The following DNAH12 variants were observed in gnomAD, a reference collection of about 807,000 sequenced individuals.
The protein encoded by DNAH12 is axonemal beta dynein heavy chain 12.
A neutral mutation model predicts 371.5 loss-of-function variants in DNAH12; 285 were observed. The observed-to-expected ratio is 0.77, with a 90% CI of 0.70 to 0.85. The LOEUF is 0.85. Among genes scored for constraint, DNAH12 ranks in the 40% least tolerant of loss-of-function variants. The probability of loss-of-function intolerance (pLI) is 0.00; values close to 1 mark genes in which losing one functional copy is unlikely to be tolerated. For missense variants in DNAH12, 3,611 were observed against 3,689.4 expected, an observed-to-expected ratio of 0.98 and a Z score of 0.55; for synonymous variants, 1,200 against 1,213.0, an observed-to-expected ratio of 0.99 and a Z score of 0.22.
intron 57 of DNAH12, among the ~76,000 whole-genome samples, chr3:57,364,688 G>A (rs1465008129): frequency 1.3e-5 from 2 of 152,138 alleles, no homozygotes; most frequent in African/African-American, 4.8e-5. Context: ...ACAACCTACA[G>A]AATGGGAGAA....
chr3:57,444,014 C>T (rs961802845), intron 29 of DNAH12, among the ~76,000 whole-genome samples: 34 of 151,942 alleles, frequency 2.2e-4, no homozygotes, highest in African/African-American at 8.0e-4. Context: ...GACCAGCCTG[C>T]CCAACATGGA....
In DNAH12 at chr3:57,389,439, G is replaced by T. The variant is rs986411557; in HGVS notation, c.7306-2220C>A. Among the ~76,000 whole-genome samples, 1,385 of 152,032 alleles carry T rather than the reference G, an allele frequency of 9.1e-3. 18 individuals are homozygous for T. The highest frequency in any genetic ancestry group is 0.031 in the African/African-American group (1,272 of 41,476). On this transcript the variant is annotated intron_variant, in intron 45 of 73. Transcript: ENST00000495027. The stretch of plus-strand genomic sequence containing the variant: ...ATACCCAGAAGTAGGGTATTTCCAG[G>T]GTTGCTTCATTTAGAAGCTCAACTA...
At chr3:57,464,307 C>T (rs2066137485) in intron 17 of DNAH12, among the ~76,000 whole-genome samples, 1 of 152,032 alleles carries the variant, frequency 6.6e-6, no homozygotes, top group South Asian at 2.1e-4. Flanking sequence ...TATTCTGCAG[C>T]ACCACACTGT....
At position 57,334,848 on chromosome 3, in the gene DNAH12, C is replaced by T. The variant is rs1226883026; in HGVS notation, c.9767G>A (p.Trp3256Ter). The T allele has an allele frequency of 6.4e-7, 1 of 1,551,834 alleles. No individual in the cohort carries two copies. The highest frequency in any genetic ancestry group is 8.7e-7 in the Non-Finnish European group (1 of 1,147,060). ...TTCCTCCCAGCTTTTGTCCTGTAGC[C>T]AAGTTGGATCAGGATTTTTCTCAGC... ...KSAEKNPDPT[W>*]LQDKSWEEIC... The change falls in exon 61 of 74, where the codon TGG (tryptophan) becomes TAG (stop). Residue 3256 changes from tryptophan to a stop codon, truncating the protein, a stop_gained. Coordinates refer to ENST00000495027, the MANE Select transcript of DNAH12 (RefSeq NM_001366028.2). LOFTEE classifies it high-confidence loss of function.
At chr3:57,458,363 A>G (rs1291450898) in intron 20 of DNAH12, 143 bp from the exon 21 acceptor site, 1 of 1,134,456 alleles carries the variant, frequency 8.8e-7, no homozygotes, top group Non-Finnish European at 1.2e-6. Flanking sequence ...ATTTGCAATG[A>G]AATTTTTTGT....
intron 29 of DNAH12, among the ~76,000 whole-genome samples, chr3:57,438,918 C>CAAAAAAA (rs57608649): frequency 1.4e-4 from 13 of 94,498 alleles, no homozygotes; most frequent in African/African-American, 4.8e-4. Context: ...CTGTCTCAGA[C>CAAAAAAA]AAAAAAAAAA....
chr3:57,329,772 G>A (rs2153303024), intron 62 of DNAH12, among the ~76,000 whole-genome samples: 1 of 151,922 alleles, frequency 6.6e-6, no homozygotes, highest in Non-Finnish European at 1.5e-5. Context: ...AGAGTGAACA[G>A]GCAACCCACA....
chr3:57,486,945 A>G (rs1308275731), intron 12 of DNAH12, among the ~76,000 whole-genome samples: 1 of 152,114 alleles, frequency 6.6e-6, no homozygotes, highest in Admixed American at 6.6e-5. Flanking sequence ...GGGAGGTAAT[A>G]TTCAAGGTGA....
Position 57,458,229 on chromosome 3 carries a change from G to A in DNAH12, c.2932-9C>T. On this transcript the variant is annotated splice_polypyrimidine_tract_variant and intron_variant, in intron 20 of 73. Transcript: ENST00000495027. Reference sequence around the variant, plus strand: ...GAAGTGGCAGCAAGAACCTAAACGAGACACATGCATTCAAGTCAGCACTTT... The same window carrying A: ...GAAGTGGCAGCAAGAACCTAAACGAAACACATGCATTCAAGTCAGCACTTT... The A allele has an allele frequency of 6.5e-7, 1 of 1,539,272 alleles. No homozygotes were observed. The highest frequency in any genetic ancestry group is 8.7e-7 in the Non-Finnish European group (1 of 1,143,980).
At chr3:57,335,558 T>C (rs2062202948) in intron 60 of DNAH12, among the ~76,000 whole-genome samples, 1 of 152,200 alleles carries the variant, frequency 6.6e-6, no homozygotes, top group Non-Finnish European at 1.5e-5. Context: ...AGCCTGTTGC[T>C]CCTAGGCTAT....
In DNAH12 at chr3:57,507,825, T is replaced by C; in HGVS notation, c.715A>G (p.Ile239Val). 6.3e-7 allele frequency: 1 copy of C among 1,582,924 alleles called. No individual in the cohort carries two copies. The highest frequency in any genetic ancestry group is 8.5e-7 in the Non-Finnish European group (1 of 1,173,144). The change falls in exon 8 of 74, where the codon ATT (isoleucine) becomes GTT (valine). Residue 239 changes from isoleucine to valine, a missense_variant. Physicochemically the swap from Ile to Val is conservative, Grantham distance 29. This residue lies in a region of DNAH12 where 1,314 missense variants were observed against 1,398.7 expected (regional missense o/e 0.94). Coordinates refer to ENST00000495027, the MANE Select transcript of DNAH12 (RefSeq NM_001366028.2). Reference protein sequence around the residue: ...DFTGIRAKGPIDCESLKTDLS... With the variant: ...DFTGIRAKGPVDCESLKTDLS... ...TCAGTTTTCAGTGATTCACAGTCAA[T>C]TGGACCTTTAGCTCTATTTATGAGA...
At chr3:57,417,027 GA>G (rs2064399458) in intron 37 of DNAH12, among the ~76,000 whole-genome samples, 1 of 152,164 alleles carries the variant, frequency 6.6e-6, no homozygotes. Context: ...GAGGCAGGTG[GA>G]TTACCTGAGG....
chr3:57,513,464 C>A (rs2068072157), intron 4 of DNAH12, among the ~76,000 whole-genome samples: 1 of 151,776 alleles, frequency 6.6e-6, no homozygotes, highest in Non-Finnish European at 1.5e-5. Context: ...CCTGCACGTT[C>A]TGCACATGTA....
Position 57,396,291 on chromosome 3 carries a change from A to C in DNAH12, c.6949-1959T>G, listed in dbSNP as rs1182160716. On this transcript the variant is annotated intron_variant, in intron 43 of 73. Transcript: ENST00000495027. ...AAGACTGCATCTCAAAAAAAAAAAC[A>C]AAAAAAAAAAAAAAAAAAAGAGAAC... 3.6e-3 allele frequency among the ~76,000 whole-genome samples: 37 copies of C among 10,370 alleles called. 1 individual carries two copies. The East Asian group carries it at 0.096, about 27-fold the overall frequency. The allele number at this position is 10,370 out of a possible 152,430, so 6.8% of individuals were successfully genotyped here. A position where few individuals can be genotyped will look rare whatever the true frequency, so the allele number is the denominator to read the frequency against.
chr3:57,415,326 A>T, intron 38 of DNAH12, 100 bp downstream of exon 38: 1 of 1,407,532 alleles, frequency 7.1e-7, no homozygotes, highest in Admixed American at 3.2e-5. Context: ...TTTTAAATTC[A>T]TAGATTTACA....
Position 57,405,147 on chromosome 3 carries a change from C to T in DNAH12, c.6577G>A (p.Val2193Ile), listed in dbSNP as rs1478502362. 1.3e-6 allele frequency: 2 copies of T among 1,508,930 alleles called. No individual in the cohort carries two copies. The highest frequency in any genetic ancestry group is 2.5e-5 in the East Asian group (1 of 39,376). The allele number at this position is 1,508,930 out of a possible 1,614,324, so 93.5% of individuals were successfully genotyped here. The change falls in exon 42 of 74, where the codon GTA becomes ATA. Residue 2193 changes from valine to isoleucine, a missense_variant and splice_region_variant. This residue lies in a region of DNAH12 where 2,266 missense variants were observed against 2,236.9 expected (regional missense o/e 1.01). Coordinates refer to ENST00000495027, the MANE Select transcript of DNAH12 (RefSeq NM_001366028.2). ...FSHLRKQNAP[V>I]TEEDLRNLMF... Reference sequence around the variant, plus strand: ...AGATTTCTTAAGTCTTCTTCAGTTACCTATAGAAAGGAAATCAACAAATTT... The same window carrying T: ...AGATTTCTTAAGTCTTCTTCAGTTATCTATAGAAAGGAAATCAACAAATTT...
Position 57,310,963 on chromosome 3 carries a change from A to G in DNAH12, c.10663-13T>C, listed in dbSNP as rs2107679190. 6.6e-7 allele frequency: 1 copy of G among 1,517,604 alleles called. No individual in the cohort carries two copies. The highest frequency in any genetic ancestry group is 2.5e-5 in the East Asian group (1 of 40,724). 94.0% of individuals were successfully genotyped at this position (1,517,604 alleles called of 1,614,324 possible). A position where few individuals can be genotyped will look rare whatever the true frequency, so the allele number is the denominator to read the frequency against. On this transcript the variant is annotated splice_polypyrimidine_tract_variant and intron_variant, in intron 66 of 73. Transcript: ENST00000495027. ...CATTGATAAATAACTGAAGCAAAGG[A>G]AAAATGAAACAAGAAAAACCTTAAA...
intron 3 of DNAH12, 59 bp from the exon 4 acceptor site, chr3:57,523,668 A>G (rs2068528070): frequency 7.4e-7 from 1 of 1,356,036 alleles, no homozygotes; most frequent in South Asian, 1.8e-5. Context: ...ATTAATTTAA[A>G]TTGTTTAAAA....
intron 70 of DNAH12, 194 bp from the exon 71 acceptor site, chr3:57,297,178 C>A: frequency 1.7e-6 from 1 of 581,404 alleles, no homozygotes; most frequent in Non-Finnish European, 3.0e-6. Context: ...TTGGAAAACT[C>A]AGAACAATTT....
Sources: allele counts gnomAD v4.1 joint callset (sites outside exome capture counted in the v4.1 genomes callset), GRCh38; gene constraint gnomAD v4.1.1; regional missense constraint gnomAD v4.1.1; transcripts MANE v1.5; gene names NCBI Gene and HGNC (gene_info 2026-07-23, HGNC 2026-07-21).